The following EFCAB8 variants were observed in gnomAD, a reference collection of about 807,000 sequenced individuals.
The protein encoded by EFCAB8 is EF-hand calcium-binding domain-containing protein 8.
In EFCAB8, 100 loss-of-function variants were observed where a neutral mutation model predicts 116.3. That is an observed-to-expected ratio of 0.86 (90% CI 0.73 to 1.02). The LOEUF (loss-of-function observed/expected upper bound fraction) is 1.02. Among genes scored for constraint, EFCAB8 ranks in the 50% least tolerant of loss-of-function variants. The pLI is 0.00. For missense variants in EFCAB8, 1,320 were observed against 1,416.9 expected (o/e 0.93, Z 1.10); for synonymous variants, 558 against 567.9 (o/e 0.98, Z 0.25).
intron 22 of EFCAB8, among the ~76,000 whole-genome samples, chr20:32,940,058 T>C (rs1399828815): frequency 8.6e-6 from 1 of 116,682 alleles, no homozygotes; most frequent in African/African-American, 3.3e-5. Flanking sequence ...CCTTCCTTCC[T>C]TCCTTCCTTC....
chr20:32,904,474 T>C (rs1986580222), intron 11 of EFCAB8, among the ~76,000 whole-genome samples: 1 of 149,032 alleles, frequency 6.7e-6, no homozygotes, highest in African/African-American at 2.5e-5. Flanking sequence ...AATTTTTGTT[T>C]TTTTTGTACA....
At chr20:32,899,511 G>GC (rs1299981576) in intron 11 of EFCAB8, among the ~76,000 whole-genome samples, 4 of 152,112 alleles carry the variant, frequency 2.6e-5, no homozygotes, top group Admixed American at 6.5e-5. Context: ...GTCCTGAGGG[G>GC]CCCCCTCCTT....
chr20:32,893,030 G>T, intron 8 of EFCAB8, 144 bp from the exon 9 acceptor site: 2 of 904,472 alleles, frequency 2.2e-6, no homozygotes, highest in Non-Finnish European at 3.3e-6. Context: ...TAGTAGAGAT[G>T]AGGTTTCACC....
chr20:32,924,846 A>T (rs1360210028), intron 20 of EFCAB8, among the ~76,000 whole-genome samples: 1 of 152,084 alleles, frequency 6.6e-6, no homozygotes, highest in Non-Finnish European at 1.5e-5. Flanking sequence ...TCCCCTCTGG[A>T]TGCTGACCCT....
chr20:32,894,236 G>C (rs901205922), intron 9 of EFCAB8, among the ~76,000 whole-genome samples: 1 of 152,222 alleles, frequency 6.6e-6, no homozygotes, highest in Admixed American at 6.5e-5. Context: ...TCCAGCCAGA[G>C]TTACTAAGCA....
chr20:32,869,733 TG>T (rs202139363), intron 3 of EFCAB8, among the ~76,000 whole-genome samples: 4,714 of 152,272 alleles, frequency 0.031, 236 homozygotes, highest in African/African-American at 0.11. Flanking sequence ...TGCAGATGAC[TG>T]TGTATGTTTT....
At chr20:32,882,670 G>A (rs934290146) in intron 5 of EFCAB8, among the ~76,000 whole-genome samples, 15 of 151,954 alleles carry the variant, frequency 9.9e-5, no homozygotes, top group East Asian at 9.7e-4. Context: ...ACAGGTGGCC[G>A]CCACCACGCC....
intron 10 of EFCAB8, among the ~76,000 whole-genome samples, chr20:32,898,206 G>A (rs73904072): frequency 0.033 from 4,972 of 152,304 alleles, 233 homozygotes; most frequent in African/African-American, 0.11. Context: ...CCTCGTGGGA[G>A]ATGATTAGTA....
intron 11 of EFCAB8, among the ~76,000 whole-genome samples, 170 bp from the exon 12 acceptor site, chr20:32,906,392 C>A (rs1196183911): frequency 6.6e-6 from 1 of 151,930 alleles, no homozygotes; most frequent in African/African-American, 2.4e-5. Flanking sequence ...CAGGGTGAAC[C>A]CTGGGTGGTC....
intron 19 of EFCAB8, among the ~76,000 whole-genome samples, chr20:32,919,650 C>T (rs1318088064): frequency 6.6e-6 from 1 of 152,110 alleles, no homozygotes; most frequent in African/African-American, 2.4e-5. Flanking sequence ...GTGTGCACAA[C>T]TATGCCTGGC....
intron 20 of EFCAB8, among the ~76,000 whole-genome samples, chr20:32,924,741 T>C (rs189241921): frequency 6.6e-6 from 1 of 152,344 alleles, no homozygotes; most frequent in East Asian, 1.9e-4. Context: ...TGAATCTTGA[T>C]TGAATTTTTG....
chr20:32,953,129 A>G (rs891151107), intron 23 of EFCAB8, among the ~76,000 whole-genome samples: 14 of 152,206 alleles, frequency 9.2e-5, no homozygotes, highest in Admixed American at 9.2e-4. Flanking sequence ...ATATTTATTA[A>G]TATTGTAACA....
intron 11 of EFCAB8, among the ~76,000 whole-genome samples, chr20:32,900,994 G>A (rs1346386842): frequency 1.3e-5 from 2 of 152,176 alleles, no homozygotes; most frequent in African/African-American, 4.8e-5. Flanking sequence ...GAGCCACCGC[G>A]CCCGGCCGTC....
At chr20:32,915,064 A>T (rs1231871637) in intron 17 of EFCAB8, among the ~76,000 whole-genome samples, 2 of 152,104 alleles carry the variant, frequency 1.3e-5, no homozygotes, top group Non-Finnish European at 2.9e-5. Context: ...TGCCTTGCTA[A>T]TTAAAAAAAA....
chr20:32,949,474 G>A (rs1289896823), intron 23 of EFCAB8, among the ~76,000 whole-genome samples: 2 of 152,104 alleles, frequency 1.3e-5, no homozygotes, highest in Admixed American at 1.3e-4. Flanking sequence ...TAAGATGAAG[G>A]GCTAACATTG....
In EFCAB8 at chr20:32,875,994, A is replaced by ATTT; in HGVS notation, c.277_278insTTT (p.Lys93delinsIleTer). 5 of 1,552,186 alleles carry ATTT rather than the reference A, an allele frequency of 3.2e-6. No individual in the cohort carries two copies. The highest frequency in any genetic ancestry group is 4.4e-6 in the Non-Finnish European group (5 of 1,147,092). Reference sequence around the variant, plus strand: ...GAGCAGTGTGTCGGACGAGATGCTAAAGGAGCTGTTTTTGAAGGTGGACTC... The same window carrying ATTT: ...GAGCAGTGTGTCGGACGAGATGCTAATTTAGGAGCTGTTTTTGAAGGTGGACTC... On this transcript the variant is annotated stop_gained and protein_altering_variant, in exon 4 of 27. Transcript: ENST00000400522. LOFTEE classifies it high-confidence loss of function.
chr20:32,866,870 T>TTTCC lies in EFCAB8; in HGVS notation c.43-697_43-694dup, dbSNP rs1168122381. On this transcript the variant is annotated intron_variant, in intron 2 of 26. Transcript: ENST00000400522. ...CTTTCTTTCTCTCTCTCTTTCTTTC[T>TTTCC]TTCCTTCCTTCCTTCCTTTCTTTCT... Among the ~76,000 whole-genome samples, 627 of 147,368 alleles carry TTTCC rather than the reference T, an allele frequency of 4.3e-3. 4 individuals carry two copies. Among genetic ancestry groups the TTTCC allele is most frequent in the African/African-American group, 0.015 (588 of 39,566 alleles).
intron 17 of EFCAB8, among the ~76,000 whole-genome samples, chr20:32,914,865 A>G (rs1987110437): frequency 6.6e-6 from 1 of 151,988 alleles, no homozygotes. Flanking sequence ...ATTCCTTTCT[A>G]TATGGATAGG....
chr20:32,884,732 G>A (rs1026593830), intron 5 of EFCAB8, among the ~76,000 whole-genome samples: 4 of 152,162 alleles, frequency 2.6e-5, no homozygotes, highest in African/African-American at 7.2e-5. Context: ...TATTCCCTGG[G>A]CCCCTGTAGG....
Sources: allele counts gnomAD v4.1 joint callset (sites outside exome capture counted in the v4.1 genomes callset), GRCh38; gene constraint gnomAD v4.1.1; transcripts MANE v1.5; gene names NCBI Gene and HGNC (gene_info 2026-07-23, HGNC 2026-07-21).